The following SCARB2 variants were observed in gnomAD, a reference collection of about 807,000 sequenced individuals.
SCARB2 encodes the protein scavenger receptor class B member 2, also known as lysosome membrane protein 2.
In SCARB2, 29 loss-of-function variants were observed where a neutral mutation model predicts 58.6. The ratio of observed to expected loss-of-function variants is 0.49; its 90% confidence interval spans 0.37 to 0.67. SCARB2 has a LOEUF of 0.67. SCARB2 is among the 30% of genes least tolerant of loss of function. SCARB2 has a pLI of 0.00. For missense variants in SCARB2, 488 were observed against 578.5 expected (o/e 0.84, Z 1.60); for synonymous variants, 195 against 210.1 (o/e 0.93, Z 0.62).
chr4:76,184,242 G>A (rs1412078529), intron 2 of SCARB2, among the ~76,000 whole-genome samples: 1 of 152,166 alleles, frequency 6.6e-6, no homozygotes, highest in Non-Finnish European at 1.5e-5. Context: ...TCCTCTCTCT[G>A]TATGAGACAA....
At chr4:76,166,076 C>A (rs1048224491) in intron 10 of SCARB2, 174 bp downstream of exon 10, 2 of 735,962 alleles carry the variant, frequency 2.7e-6, no homozygotes, top group African/African-American at 3.5e-5. Flanking sequence ...CAAATCAGCT[C>A]TCAGACACAG....
chr4:76,170,540 TTTTTG>T (rs559779307), intron 7 of SCARB2, among the ~76,000 whole-genome samples: 25 of 152,080 alleles, frequency 1.6e-4, no homozygotes, highest in Admixed American at 2.0e-4. Flanking sequence ...TTTTGGTGGT[TTTTTG>T]TTTTGTTTTG....
At chr4:76,231,835 C>A (rs1018992584) in intron 1 of SCARB2, among the ~76,000 whole-genome samples, 6 of 152,082 alleles carry the variant, frequency 3.9e-5, no homozygotes, top group Non-Finnish European at 8.8e-5. Flanking sequence ...CCATAGGAAC[C>A]CTGTGCAGGG....
At chr4:76,212,187 T>C (rs1235943541) in intron 1 of SCARB2, among the ~76,000 whole-genome samples, 1 of 152,234 alleles carries the variant, frequency 6.6e-6, no homozygotes, top group African/African-American at 2.4e-5. Context: ...CACCATGGAT[T>C]TGGACATGGA....
chr4:76,174,014 T>A, intron 7 of SCARB2, 130 bp downstream of exon 7: 1 of 1,155,314 alleles, frequency 8.7e-7, no homozygotes, highest in Non-Finnish European at 1.3e-6. Flanking sequence ...CAAGTGATCA[T>A]CCCACCTCAG....
intron 1 of SCARB2, among the ~76,000 whole-genome samples, chr4:76,205,332 AAAAC>A (rs941275423): frequency 1.4e-5 from 2 of 144,400 alleles, no homozygotes; most frequent in African/African-American, 2.7e-5. Flanking sequence ...TCTCAAAACA[AAAAC>A]AAAAACAAAA....
At chr4:76,163,682 T>A in intron 10 of SCARB2, 1 of 417,534 alleles carries the variant, frequency 2.4e-6, no homozygotes, top group Non-Finnish European at 4.4e-6. Flanking sequence ...TTCCAATTCA[T>A]CCTTAAAAAT....
At chr4:76,233,192 A>C (rs1012479944) in intron 1 of SCARB2, among the ~76,000 whole-genome samples, 2 of 152,232 alleles carry the variant, frequency 1.3e-5, no homozygotes, top group Non-Finnish European at 2.9e-5. Context: ...ACGTTAATTT[A>C]AAACCTGGTA....
chr4:76,227,780 G>A (rs1470172631), intron 1 of SCARB2, among the ~76,000 whole-genome samples: 1 of 152,082 alleles, frequency 6.6e-6, no homozygotes, highest in Non-Finnish European at 1.5e-5. Context: ...TATATAATGT[G>A]CCACCTCTTT....
At position 76,181,219 on chromosome 4, in the gene SCARB2, A is replaced by G. The variant is rs1732376767; in HGVS notation, c.276-118T>C. The G allele has an allele frequency of 7.8e-6, 8 of 1,022,216 alleles. No homozygotes were observed. In the South Asian group the frequency reaches 1.1e-4, roughly 15 times the overall value. 63.3% of individuals were successfully genotyped at this position (1,022,216 alleles called of 1,614,324 possible). ...TATAACATTCCCAATATAACATTATATAGAGACTGCAGCTACTAAGCCTTA... is the reference window on the plus strand; with the variant it reads ...TATAACATTCCCAATATAACATTATGTAGAGACTGCAGCTACTAAGCCTTA... On this transcript the variant is annotated intron_variant, in intron 2 of 11. Coordinates refer to ENST00000264896, the MANE Select transcript of SCARB2 (RefSeq NM_005506.4).
intron 1 of SCARB2, among the ~76,000 whole-genome samples, chr4:76,198,590 G>A (rs1217401347): frequency 2.0e-5 from 3 of 152,042 alleles, no homozygotes; most frequent in Admixed American, 2.0e-4. Flanking sequence ...CCCAGACCAT[G>A]TTACAGCTGG....
At chr4:76,167,811 A>G (rs1732044673) in intron 9 of SCARB2, among the ~76,000 whole-genome samples, 1 of 151,522 alleles carries the variant, frequency 6.6e-6, no homozygotes, top group Non-Finnish European at 1.5e-5. Context: ...CCTCCCGAAT[A>G]GCTGGGATTA....
At chr4:76,171,201 A>G (rs1732122549) in intron 7 of SCARB2, among the ~76,000 whole-genome samples, 1 of 152,114 alleles carries the variant, frequency 6.6e-6, no homozygotes, top group Non-Finnish European at 1.5e-5. Flanking sequence ...TAGTTCCACA[A>G]AGGCATGACT....
intron 2 of SCARB2, among the ~76,000 whole-genome samples, chr4:76,183,530 G>C (rs2109951022): frequency 6.6e-6 from 1 of 152,216 alleles, no homozygotes; most frequent in East Asian, 1.9e-4. Flanking sequence ...GCAAGGTGTA[G>C]GGGAAGGAGC....
intron 11 of SCARB2, chr4:76,162,044 T>C (rs1378622808): frequency 2.7e-5 from 13 of 485,908 alleles, no homozygotes; most frequent in Non-Finnish European, 4.5e-5. Context: ...TCCTTCCTGG[T>C]TTGAAACCTA....
rs2109929688 is a variant in SCARB2 at position 76,160,803 on chromosome 4, T to A, written c.*910A>T. The A allele has an allele frequency of 6.6e-6, 1 of 152,326 alleles. No homozygotes were observed. The highest frequency in any genetic ancestry group is 1.9e-4 in the East Asian group (1 of 5,194). 9.4% of individuals were successfully genotyped at this position (152,326 alleles called of 1,614,324 possible). ...TAATTTTACAAATAATCACTCAATA[T>A]TAGATTAATTAATACAGTAACATAT... On this transcript the variant is annotated 3_prime_UTR_variant, in exon 12 of 12. Transcript: ENST00000264896.
At chr4:76,173,845 ATTT>A in intron 7 of SCARB2, 1 of 361,234 alleles carries the variant, frequency 2.8e-6, no homozygotes. Flanking sequence ...AAAAGCCATG[ATTT>A]TTTTTTACCA....
chr4:76,168,341 C>T (rs933300631), intron 9 of SCARB2, 62 bp downstream of exon 9: 2 of 1,294,432 alleles, frequency 1.5e-6, no homozygotes, highest in East Asian at 2.3e-5. Flanking sequence ...CTGACATCAA[C>T]CCCACCAGAC....
rs375376723 is a variant in SCARB2, at chr4:76,175,762, G to T, written c.824+29C>A. 50 of 1,612,976 alleles carry T rather than the reference G, an allele frequency of 3.1e-5. No individual in the cohort carries two copies. In the African/African-American group the frequency reaches 5.6e-4, roughly 18 times the overall value. ...TCTTGCAGTGAAAGACCTTATTTTT[G>T]AAAAAGAACTTATCTTTAAAGCTTT... On this transcript the variant is annotated intron_variant, in intron 6 of 11. Coordinates refer to ENST00000264896, the MANE Select transcript of SCARB2 (RefSeq NM_005506.4).
Sources: gnomAD v4.1 joint callset for allele counts (sites outside exome capture counted in the v4.1 genomes callset) on GRCh38, gnomAD v4.1.1 for gene constraint, MANE v1.5 for transcripts, NCBI Gene and HGNC (gene_info 2026-07-23, HGNC 2026-07-21) for gene names.